Variants in NALF1 observed in about 807,000 individuals in gnomAD.
The protein encoded by NALF1 is family with sequence similarity 155 member A.
Under a neutral mutation model 48.4 loss-of-function variants are expected in NALF1, and 3 were observed. That is an observed-to-expected ratio of 0.06 (90% confidence interval 0.03 to 0.16). The LOEUF is 0.16. Ranked by LOEUF, NALF1 falls within the 10% of genes least tolerant of loss-of-function variation. The pLI is 1.00. For missense variants in NALF1, 526 were observed against 571.5 expected, an observed-to-expected ratio of 0.92 and a Z score of 0.81; for synonymous variants, 262 against 245.7, an observed-to-expected ratio of 1.07 and a Z score of -0.62.
intron 1 of NALF1, among the ~76,000 whole-genome samples, chr13:107,814,535 A>G (rs2070324457): frequency 6.6e-6 from 1 of 152,164 alleles, no homozygotes; most frequent in Non-Finnish European, 1.5e-5. Context: ...TGCTATACTG[A>G]TATGAGAAAA....
chr13:107,725,025 T>C (rs1876107670), intron 1 of NALF1, among the ~76,000 whole-genome samples: 1 of 152,234 alleles, frequency 6.6e-6, no homozygotes, highest in Non-Finnish European at 1.5e-5. Flanking sequence ...AATAGATAAT[T>C]TATTGATAAA....
intron 1 of NALF1, among the ~76,000 whole-genome samples, chr13:107,556,482 ATTTTT>A (rs1264095604): frequency 6.6e-6 from 1 of 151,720 alleles, no homozygotes; most frequent in African/African-American, 2.4e-5. Context: ...TGTTTATTTT[ATTTTT>A]ATTTATTTAC....
chr13:107,332,618 A>G (rs1882489691), intron 1 of NALF1, among the ~76,000 whole-genome samples: 1 of 152,336 alleles, frequency 6.6e-6, no homozygotes, highest in East Asian at 1.9e-4. Context: ...TAAAAACAAT[A>G]TTAATGGGAT....
At chr13:107,319,272 G>T (rs1216640868) in intron 1 of NALF1, among the ~76,000 whole-genome samples, 1 of 152,086 alleles carries the variant, frequency 6.6e-6, no homozygotes, top group African/African-American at 2.4e-5. Flanking sequence ...GTGAACGTGG[G>T]ACAGAAGAAC....
At chr13:107,760,706 C>A (rs538915803) in intron 1 of NALF1, among the ~76,000 whole-genome samples, 4 of 152,166 alleles carry the variant, frequency 2.6e-5, no homozygotes, top group Non-Finnish European at 1.5e-5. Context: ...TCAAATACCA[C>A]GCATGTTGTC....
chr13:107,170,762 T>C lies in NALF1; in HGVS notation c.1112A>G (p.Asn371Ser), dbSNP rs752858723. ...GACGTCACAGCATTCTGGTTCATCA[T>C]TGGTTAGAAAGGTTTCATAAAGCCC... is the stretch of plus-strand genomic sequence containing the variant. ...CTGLYETFLT[N>S]DEPECCDVRR... is the part of the protein sequence containing the mutation. Residue 371 changes from asparagine (N) to serine (S), a missense_variant, in exon 3 of 3, where the codon AAT becomes AGT. Physicochemically the swap from Asn to Ser is conservative, Grantham distance 46 (BLOSUM62 1). Transcript: ENST00000375915. 5.0e-6 allele frequency: 8 copies of C among 1,614,106 alleles called. No homozygotes were observed. Among genetic ancestry groups the C allele is most frequent in the South Asian group, 4.4e-5 (4 of 91,086 alleles).
intron 1 of NALF1, among the ~76,000 whole-genome samples, chr13:107,722,465 C>T (rs1354410387): frequency 6.6e-6 from 1 of 152,170 alleles, no homozygotes; most frequent in African/African-American, 2.4e-5. Context: ...ACTTCCTGCA[C>T]TGCTCTGGCC....
intron 1 of NALF1, among the ~76,000 whole-genome samples, chr13:107,335,152 C>G (rs945646186): frequency 2.6e-5 from 4 of 152,138 alleles, no homozygotes; most frequent in African/African-American, 7.2e-5. Context: ...TGCTTGCACA[C>G]AAGCTCTAGA....
At chr13:107,530,887 G>T (rs930619015) in intron 1 of NALF1, among the ~76,000 whole-genome samples, 2 of 152,022 alleles carry the variant, frequency 1.3e-5, no homozygotes, top group Non-Finnish European at 2.9e-5. Context: ...CAGCAGGATT[G>T]CCTGAAATGT....
chr13:107,604,795 G>C (rs1040386020), intron 1 of NALF1, among the ~76,000 whole-genome samples: 27 of 152,228 alleles, frequency 1.8e-4, no homozygotes, highest in African/African-American at 6.0e-4. Flanking sequence ...CTGTGCCGCA[G>C]CCTCAAGACC....
At chr13:107,619,892 C>CAA (rs2138439644) in intron 1 of NALF1, among the ~76,000 whole-genome samples, 1 of 152,212 alleles carries the variant, frequency 6.6e-6, no homozygotes, top group African/African-American at 2.4e-5. Context: ...CAGAAAAGGC[C>CAA]AATATAAAAA....
intron 1 of NALF1, among the ~76,000 whole-genome samples, chr13:107,327,880 A>G (rs1882393664): frequency 6.6e-6 from 1 of 151,904 alleles, no homozygotes; most frequent in South Asian, 2.1e-4. Flanking sequence ...CAGCCACCGA[A>G]ATCCTAGTTA....
At chr13:107,466,088 G>A (rs1884997460) in intron 1 of NALF1, 1 of 152,656 alleles carries the variant, frequency 6.6e-6, no homozygotes, top group East Asian at 1.9e-4. Context: ...TGGCAGACAA[G>A]AGAAGAACTT....
chr13:107,766,843 A>G (rs1229694490), intron 1 of NALF1, among the ~76,000 whole-genome samples: 2 of 152,228 alleles, frequency 1.3e-5, no homozygotes. Flanking sequence ...TTTTAATGCC[A>G]TCTGACCCAC....
At chr13:107,194,030 ATC>A (rs1331983159) in intron 2 of NALF1, among the ~76,000 whole-genome samples, 54 of 144,410 alleles carry the variant, frequency 3.7e-4, no homozygotes, top group African/African-American at 1.5e-3. Flanking sequence ...CTATCTATCT[ATC>A]TATCTATCTA....
intron 1 of NALF1, among the ~76,000 whole-genome samples, chr13:107,329,144 T>C (rs911980536): frequency 6.6e-6 from 1 of 152,166 alleles, no homozygotes; most frequent in African/African-American, 2.4e-5. Flanking sequence ...ACGTGTACCA[T>C]AAATATAAAA....
At chr13:107,608,585 T>A (rs1454953531) in intron 1 of NALF1, among the ~76,000 whole-genome samples, 1 of 152,218 alleles carries the variant, frequency 6.6e-6, no homozygotes, top group Non-Finnish European at 1.5e-5. Context: ...GCTTCCTGAT[T>A]GGGTGGTTGG....
intron 1 of NALF1, among the ~76,000 whole-genome samples, chr13:107,399,243 A>AGAAT (rs1449586332): frequency 6.6e-6 from 1 of 152,144 alleles, no homozygotes; most frequent in Non-Finnish European, 1.5e-5. Context: ...AACCTAAGAT[A>AGAAT]GAATGTATTA....
At chr13:107,402,416 A>T (rs1444592332) in intron 1 of NALF1, among the ~76,000 whole-genome samples, 1 of 152,178 alleles carries the variant, frequency 6.6e-6, no homozygotes, top group Non-Finnish European at 1.5e-5. Flanking sequence ...GCTGGCTTGG[A>T]GAGATCCAAA....
Sources: allele counts gnomAD v4.1 joint callset (sites outside exome capture counted in the v4.1 genomes callset), GRCh38; gene constraint gnomAD v4.1.1; transcripts MANE v1.5; gene names NCBI Gene and HGNC (gene_info 2026-07-23, HGNC 2026-07-21).